The following PKD1L1 variants were observed in gnomAD, a reference collection of about 807,000 sequenced individuals.
PKD1L1 encodes polycystin 1 like 1, transient receptor potential channel interacting.
A neutral mutation model predicts 323.4 loss-of-function variants in PKD1L1; 236 were observed. That is an observed-to-expected ratio of 0.73 (90% confidence interval 0.66 to 0.81). PKD1L1 has a LOEUF of 0.81. PKD1L1 is among the 40% of genes least tolerant of loss of function. The pLI is 0.00. For missense variants in PKD1L1, 3,320 were observed against 3,508.0 expected (o/e 0.95, Z 1.35); for synonymous variants, 1,344 against 1,335.0 (o/e 1.01, Z -0.15).
At chr7:47,882,588 G>C (rs1049864464) in intron 19 of PKD1L1, among the ~76,000 whole-genome samples, 1 of 150,400 alleles carries the variant, frequency 6.6e-6, no homozygotes, top group Non-Finnish European at 1.5e-5. Flanking sequence ...TGAAGACTAA[G>C]ACTAGAAGGA....
At chr7:47,880,282 A>ATTTTTTTTTTTTTTTTTT (rs1309864473) in intron 21 of PKD1L1, among the ~76,000 whole-genome samples, 1 of 69,720 alleles carries the variant, frequency 1.4e-5, no homozygotes, top group Non-Finnish European at 2.5e-5. Flanking sequence ...ATATATATAT[A>ATTTTTTTTTTTTTTTTTT]TATTTTTTTT....
chr7:47,890,077 GC>G (rs1256461292), intron 16 of PKD1L1, among the ~76,000 whole-genome samples: 1 of 152,204 alleles, frequency 6.6e-6, no homozygotes, highest in Admixed American at 6.5e-5. Flanking sequence ...TCACTTCTTT[GC>G]CTCTGCATCT....
chr7:47,859,792 A>G (rs1271324897), intron 26 of PKD1L1, among the ~76,000 whole-genome samples: 1 of 151,932 alleles, frequency 6.6e-6, no homozygotes, highest in Non-Finnish European at 1.5e-5. Context: ...TGCCCAGCTA[A>G]TATTTTTTTG....
intron 4 of PKD1L1, among the ~76,000 whole-genome samples, chr7:47,936,137 TTGCCTGG>T (rs1787862601): frequency 6.6e-6 from 1 of 152,238 alleles, no homozygotes; most frequent in South Asian, 2.1e-4. Flanking sequence ...AAATTTTGTA[TTGCCTGG>T]TGCTATTGTG....
At chr7:47,887,570 G>A (rs571927604) in intron 17 of PKD1L1, among the ~76,000 whole-genome samples, 1 of 152,326 alleles carries the variant, frequency 6.6e-6, no homozygotes, top group South Asian at 2.1e-4. Flanking sequence ...CTGGTAGTGT[G>A]GGAGCAAGGA....
At chr7:47,814,162 G>A in intron 47 of PKD1L1, 148 bp from the exon 48 acceptor site, 1 of 600,264 alleles carries the variant, frequency 1.7e-6, no homozygotes, top group Non-Finnish European at 2.9e-6. Context: ...TACCATTTTA[G>A]GGATACAACC....
At chr7:47,837,233 A>T (rs749207382) in intron 36 of PKD1L1, 139 bp from the exon 37 acceptor site, 1 of 976,314 alleles carries the variant, frequency 1.0e-6, no homozygotes, top group Non-Finnish European at 1.5e-6. Context: ...GCTGTGTACC[A>T]GGTGGGCTGT....
At chr7:47,822,519 C>T (rs1309799455) in intron 45 of PKD1L1, among the ~76,000 whole-genome samples, 1 of 130,280 alleles carries the variant, frequency 7.7e-6, no homozygotes, top group African/African-American at 2.8e-5. Context: ...AGCTCAAACT[C>T]GGGAGGCGGA....
rs1308974557 is a variant in PKD1L1, at chr7:47,943,391, C to T, written c.160+5G>A. 2.5e-6 allele frequency: 4 copies of T among 1,611,990 alleles called. No homozygotes were observed. The highest frequency in any genetic ancestry group is 2.7e-5 in the African/African-American group (2 of 74,804). On this transcript the variant is annotated splice_donor_5th_base_variant and intron_variant, in intron 2 of 56. Coordinates refer to ENST00000289672, the MANE Select transcript of PKD1L1 (RefSeq NM_138295.5). ...GTGGCCATGCCTCCTTCCCCAAGGC[C>T]TTACCGACCCACAATCCACCTCCAG... is the stretch of plus-strand genomic sequence containing the variant.
At chr7:47,803,437 T>A in intron 52 of PKD1L1, 93 bp from the exon 53 acceptor site, 1 of 1,439,544 alleles carries the variant, frequency 6.9e-7, no homozygotes, top group Non-Finnish European at 9.5e-7. Flanking sequence ...AAAGAGTTCA[T>A]TGGATTTGAT....
Position 47,775,261 on chromosome 7 carries a change from C to A in PKD1L1, c.8527-95G>T. ...AGAAAGGCAGCAAGTGCTGATCAGA[C>A]CTGAACACCACCATCAGCTAACTTG... On this transcript the variant is annotated intron_variant, in intron 56 of 56. Coordinates refer to ENST00000289672, the MANE Select transcript of PKD1L1 (RefSeq NM_138295.5). 2.9e-6 allele frequency: 4 copies of A among 1,402,934 alleles called. No homozygotes were observed. In the Admixed American group the frequency reaches 7.7e-5, roughly 27 times the overall value. 86.9% of individuals were successfully genotyped at this position (1,402,934 alleles called of 1,614,324 possible). A position where few individuals can be genotyped will look rare whatever the true frequency, so the allele number is the denominator to read the frequency against.
At chr7:47,775,711 GAA>G (rs1786551718) in intron 56 of PKD1L1, among the ~76,000 whole-genome samples, 1 of 150,890 alleles carries the variant, frequency 6.6e-6, no homozygotes, top group Non-Finnish European at 1.5e-5. Context: ...GCTCTTATGT[GAA>G]AGACTATAAA....
intron 56 of PKD1L1, among the ~76,000 whole-genome samples, chr7:47,776,514 G>A (rs548654809): frequency 6.6e-6 from 1 of 152,296 alleles, no homozygotes; most frequent in East Asian, 1.9e-4. Flanking sequence ...CAAGCCTAGC[G>A]CATCTCCACA....
chr7:47,865,308 A>C, intron 25 of PKD1L1, 36 bp from the exon 26 acceptor site: 1 of 1,567,006 alleles, frequency 6.4e-7, no homozygotes, highest in Non-Finnish European at 8.7e-7. Context: ...CAAAAAGAAA[A>C]TGCAAGGAGA....
At chr7:47,947,986 C>A (rs948621592) in intron 1 of PKD1L1, among the ~76,000 whole-genome samples, 2 of 152,042 alleles carry the variant, frequency 1.3e-5, no homozygotes, top group African/African-American at 4.8e-5. Flanking sequence ...AGAAATAAGA[C>A]CCCTGGGCCA....
chr7:47,790,553 G>C (rs941310384), intron 56 of PKD1L1, among the ~76,000 whole-genome samples: 1 of 151,784 alleles, frequency 6.6e-6, no homozygotes, highest in East Asian at 1.9e-4. Flanking sequence ...GGATGGTCTT[G>C]ATCTCCTGAC....
At chr7:47,902,618 G>A in intron 12 of PKD1L1, 107 bp from the exon 13 acceptor site, 2 of 1,316,170 alleles carry the variant, frequency 1.5e-6, no homozygotes, top group Non-Finnish European at 1.0e-6. Context: ...GTATTTGACA[G>A]CAAGTCATCC....
At chr7:47,956,117 G>T in the PKD1L1 span, among the ~76,000 whole-genome samples, 1 of 152,192 alleles carries the variant, frequency 6.6e-6, no homozygotes, top group African/African-American at 2.4e-5. Flanking sequence ...CAGAAATTGG[G>T]AGTGAAGCTG....
intron 4 of PKD1L1, among the ~76,000 whole-genome samples, chr7:47,935,692 T>C (rs116235079): frequency 1.1e-3 from 163 of 152,210 alleles, no homozygotes; most frequent in Middle Eastern, 3.4e-3. Context: ...TGGCCCGTGG[T>C]CTCCCAGGGC....
Sources: gnomAD v4.1 joint callset for allele counts (sites outside exome capture counted in the v4.1 genomes callset) on GRCh38, gnomAD v4.1.1 for gene constraint, MANE v1.5 for transcripts, NCBI Gene and HGNC (gene_info 2026-07-23, HGNC 2026-07-21) for gene names.